The following OSMR variants were observed in gnomAD, a reference collection of about 807,000 sequenced individuals.
OSMR encodes oncostatin-M-specific receptor subunit beta.
In OSMR, 81 loss-of-function variants were observed where a neutral mutation model predicts 99.9. The observed-to-expected ratio is 0.81, with a 90% CI of 0.68 to 0.97. The LOEUF (loss-of-function observed/expected upper bound fraction) is 0.97, where lower values mean the gene tolerates loss of function less well. Among genes scored for constraint, OSMR ranks in the 50% least tolerant of loss-of-function variants. The pLI, the probability that OSMR is intolerant of heterozygous loss-of-function variation, is 0.00. For missense variants in OSMR, 1,099 were observed against 1,153.4 expected (o/e 0.95, Z 0.68); for synonymous variants, 406 against 410.4 (o/e 0.99, Z 0.13).
intron 2 of OSMR, among the ~76,000 whole-genome samples, chr5:38,871,147 G>C (rs1026361400): frequency 3.3e-5 from 5 of 152,108 alleles, no homozygotes; most frequent in Non-Finnish European, 7.4e-5. Context: ...GGTTACACAG[G>C]GTCTCCAGGA....
intron 1 of OSMR, among the ~76,000 whole-genome samples, chr5:38,855,794 G>T (rs1328873129): frequency 6.6e-6 from 1 of 151,018 alleles, no homozygotes; most frequent in Non-Finnish European, 1.5e-5. Flanking sequence ...ATCCTTGCAG[G>T]CTTCTGTTCA....
At chr5:38,945,197 C>G (rs1748056651), downstream of OSMR, 2 of 722,408 alleles carry the variant, frequency 2.8e-6, no homozygotes, top group Non-Finnish European at 2.2e-6. Flanking sequence ...CCAAACACTT[C>G]CAAAACTTTT....
At chr5:38,876,440 T>C in intron 3 of OSMR, 67 bp downstream of exon 3, 2 of 1,324,824 alleles carry the variant, frequency 1.5e-6, no homozygotes, top group East Asian at 2.4e-5. Flanking sequence ...GGTTTTCTTT[T>C]ATAACATCTG....
chr5:38,888,076 G>A (rs543585164), intron 7 of OSMR, among the ~76,000 whole-genome samples: 4 of 152,250 alleles, frequency 2.6e-5, no homozygotes, highest in African/African-American at 7.2e-5. Flanking sequence ...CGAGACAGAC[G>A]GAGGAGGGAT....
intron 8 of OSMR, 62 bp from the exon 9 acceptor site, chr5:38,904,291 C>A: frequency 6.4e-7 from 1 of 1,562,330 alleles, no homozygotes; most frequent in Non-Finnish European, 8.7e-7. Context: ...GGGATGCACT[C>A]ACCAATGTTT....
chr5:38,923,311 G>T (rs1294525776), intron 13 of OSMR, 57 bp downstream of exon 13: 2 of 1,114,450 alleles, frequency 1.8e-6, no homozygotes, highest in South Asian at 1.2e-5. Flanking sequence ...ACAATTCATA[G>T]ATTCCTAGCT....
intron 9 of OSMR, among the ~76,000 whole-genome samples, chr5:38,905,549 C>T (rs927450591): frequency 2.0e-5 from 3 of 152,082 alleles, no homozygotes; most frequent in African/African-American, 7.2e-5. Context: ...TCGAAGGGCC[C>T]TCTGTGCTCC....
intron 5 of OSMR, 142 bp from the exon 6 acceptor site, chr5:38,885,207 T>G: frequency 6.7e-7 from 1 of 1,503,578 alleles, no homozygotes; most frequent in Non-Finnish European, 8.9e-7. Flanking sequence ...TTTTGGAGGC[T>G]GTTGATAGGT....
downstream of OSMR, among the ~76,000 whole-genome samples, chr5:38,935,897 T>C (rs924850507): frequency 1.8e-4 from 27 of 152,240 alleles, no homozygotes; most frequent in African/African-American, 6.5e-4. Flanking sequence ...AACATGCCAA[T>C]AGGAAATGCT....
At chr5:38,869,259 C>T (rs1230138056) in intron 2 of OSMR, 142 bp downstream of exon 2, 4 of 774,852 alleles carry the variant, frequency 5.2e-6, no homozygotes, top group Non-Finnish European at 9.3e-6. Context: ...GGAGATTTGT[C>T]AATCTCTCTA....
chr5:38,886,114 C>T lies in OSMR; in HGVS notation c.915C>T (p.Thr305=), dbSNP rs1743739015. Reference sequence around the variant, plus strand: ...AAATAACTCAAGACTCACAAGAAACCTATAACTTCACACTCATAGCTGAAA... The same window carrying T: ...AAATAACTCAAGACTCACAAGAAACTTATAACTTCACACTCATAGCTGAAA... ...NWQITQDSQE[T]YNFTLIAENY... The change falls in exon 7 of 18, where the codon ACC becomes ACT. Residue 305 remains threonine (T), a synonymous_variant. Transcript: ENST00000274276. 12 of 1,613,936 alleles carry T rather than the reference C, an allele frequency of 7.4e-6. No homozygotes were observed. In the East Asian group the frequency reaches 2.5e-4, roughly 33 times the overall value.
chr5:38,941,439 G>T (rs1213795160), intron 1 of OSMR: 3 of 231,534 alleles, frequency 1.3e-5, no homozygotes, highest in Admixed American at 1.1e-4. Flanking sequence ...TATCCTTTAG[G>T]TCTAAACTAA....
intron 1 of OSMR, chr5:38,943,003 T>G (rs781517044): frequency 2.0e-6 from 3 of 1,518,860 alleles, no homozygotes; most frequent in Non-Finnish European, 2.7e-6. Context: ...TGATGAAAAC[T>G]GTAATCATGA....
At chr5:38,945,296 C>T, downstream of OSMR, 1 of 610,296 alleles carries the variant, frequency 1.6e-6, no homozygotes. Flanking sequence ...AGGGATCTGT[C>T]AGACTCAGGC....
chr5:38,856,183 G>T (rs779457304), intron 1 of OSMR, among the ~76,000 whole-genome samples: 1 of 152,208 alleles, frequency 6.6e-6, no homozygotes, highest in Non-Finnish European at 1.5e-5. Context: ...GGTCTTGGAA[G>T]CAGCTAACTT....
chr5:38,864,667 C>T (rs1038076997), intron 1 of OSMR, among the ~76,000 whole-genome samples: 1 of 151,318 alleles, frequency 6.6e-6, no homozygotes, highest in Non-Finnish European at 1.5e-5. Flanking sequence ...ATGCTTTTCT[C>T]TTTCTTTTTA....
intron 12 of OSMR, among the ~76,000 whole-genome samples, chr5:38,922,773 CT>C (rs1746295073): frequency 6.6e-6 from 1 of 152,152 alleles, no homozygotes; most frequent in African/African-American, 2.4e-5. Context: ...ATTTTTCATT[CT>C]TTTTTGGGGG....
chr5:38,911,436 C>T (rs1003570926), intron 9 of OSMR, among the ~76,000 whole-genome samples: 1 of 152,058 alleles, frequency 6.6e-6, no homozygotes, highest in African/African-American at 2.4e-5. Flanking sequence ...GCCTAGGAAC[C>T]AGAGAAAGCC....
intron 1 of OSMR, chr5:38,942,899 G>A: frequency 6.2e-7 from 1 of 1,608,628 alleles, no homozygotes; most frequent in Non-Finnish European, 8.5e-7. Flanking sequence ...TGAATGTGCA[G>A]TGTGACAGCA....
Sources: gnomAD v4.1 joint callset for allele counts (sites outside exome capture counted in the v4.1 genomes callset) on GRCh38, gnomAD v4.1.1 for gene constraint, MANE v1.5 for transcripts, NCBI Gene and HGNC (gene_info 2026-07-23, HGNC 2026-07-21) for gene names.